NOL4: variants seen among roughly 807,000 people sequenced by gnomAD.
The protein encoded by NOL4 is nucleolar protein 4.
NOL4 carries 17 observed loss-of-function variants against 75.9 expected under a neutral mutation model. The observed-to-expected ratio is 0.22, with a 90% CI of 0.15 to 0.34. NOL4 has a LOEUF of 0.34. Ranked by LOEUF, NOL4 falls within the 10% of genes least tolerant of loss-of-function variation. NOL4 has a pLI of 1.00. For synonymous variants in NOL4, 292 were observed against 289.9 expected (o/e 1.01, Z -0.07); for missense variants, 614 against 793.5 (o/e 0.77, Z 2.72).
chr18:34,156,143 C>G (rs911629969), intron 1 of NOL4, among the ~76,000 whole-genome samples: 1 of 152,034 alleles, frequency 6.6e-6, no homozygotes, highest in Non-Finnish European at 1.5e-5. Context: ...CAGAACTTCC[C>G]GTGCATTATA....
intron 5 of NOL4, among the ~76,000 whole-genome samples, chr18:34,034,028 A>C (rs990066770): frequency 6.6e-6 from 1 of 152,210 alleles, no homozygotes; most frequent in Admixed American, 6.5e-5. Context: ...GACTCTCCCT[A>C]CGAGAAATGC....
chr18:34,188,598 G>C (rs950495342), intron 1 of NOL4, among the ~76,000 whole-genome samples: 1 of 152,170 alleles, frequency 6.6e-6, no homozygotes, highest in Non-Finnish European at 1.5e-5. Flanking sequence ...ATAATAAAAT[G>C]TGAATACCTA....
intron 1 of NOL4, among the ~76,000 whole-genome samples, chr18:34,222,678 G>A (rs973650898): frequency 1.3e-5 from 2 of 152,220 alleles, no homozygotes; most frequent in Non-Finnish European, 2.9e-5. Context: ...GGCCCAGCCC[G>A]AGGACGCCAG....
intron 1 of NOL4, among the ~76,000 whole-genome samples, chr18:34,158,135 T>G (rs981514153): frequency 7.9e-5 from 12 of 152,172 alleles, no homozygotes; most frequent in African/African-American, 2.2e-4. Context: ...TGATTATCAG[T>G]AGCAAAAGCT....
chr18:34,049,719 C>G (rs1025131872), intron 5 of NOL4, among the ~76,000 whole-genome samples: 2 of 152,038 alleles, frequency 1.3e-5, no homozygotes, highest in Admixed American at 1.3e-4. Context: ...ACCACCCTTC[C>G]CCCACTGTCT....
intron 6 of NOL4, among the ~76,000 whole-genome samples, chr18:34,017,506 A>G (rs1161408862): frequency 6.6e-6 from 1 of 152,136 alleles, no homozygotes; most frequent in African/African-American, 2.4e-5. Context: ...TCAATAGATG[A>G]TATGATATTA....
chr18:33,948,672 C>A (rs961711967), intron 8 of NOL4, among the ~76,000 whole-genome samples: 1 of 151,946 alleles, frequency 6.6e-6, no homozygotes, highest in Admixed American at 6.6e-5. Context: ...GGAAAATAAT[C>A]TCCACATTAT....
intron 10 of NOL4, among the ~76,000 whole-genome samples, chr18:33,859,432 T>C (rs2062985550): frequency 1.3e-5 from 2 of 152,212 alleles, no homozygotes; most frequent in South Asian, 4.1e-4. Context: ...TTTTAATTAT[T>C]TGTTTCAAAT....
At chr18:34,129,220 C>T (rs181187367) in intron 2 of NOL4, among the ~76,000 whole-genome samples, 31 of 151,808 alleles carry the variant, frequency 2.0e-4, no homozygotes, top group East Asian at 1.7e-3. Context: ...CTATATATTT[C>T]GATATCTAGC....
intron 5 of NOL4, among the ~76,000 whole-genome samples, chr18:34,045,874 C>T (rs1327787439): frequency 6.6e-6 from 1 of 152,082 alleles, no homozygotes; most frequent in African/African-American, 2.4e-5. Flanking sequence ...ATAGTATTAT[C>T]TCTTGTGCTG....
chr18:33,978,354 G>C (rs1220000185), intron 6 of NOL4, among the ~76,000 whole-genome samples: 1 of 152,098 alleles, frequency 6.6e-6, no homozygotes. Context: ...CCAAAGGAGA[G>C]ACTTGGGTGT....
At chr18:33,925,597 C>T (rs962111477) in intron 9 of NOL4, among the ~76,000 whole-genome samples, 4 of 152,230 alleles carry the variant, frequency 2.6e-5, no homozygotes, top group South Asian at 2.1e-4. Flanking sequence ...CTGCAACCAA[C>T]GTAGTATTCA....
At chr18:33,982,799 G>C (rs958994389) in intron 6 of NOL4, among the ~76,000 whole-genome samples, 3 of 143,780 alleles carry the variant, frequency 2.1e-5, no homozygotes, top group African/African-American at 7.8e-5. Context: ...TCCCCAGGCT[G>C]GAGTGTAATG....
At chr18:34,167,537 T>TAGATAGAC (rs1003691980) in intron 1 of NOL4, among the ~76,000 whole-genome samples, 1 of 140,014 alleles carries the variant, frequency 7.1e-6, no homozygotes, top group Non-Finnish European at 1.6e-5. Flanking sequence ...AATAATTAGA[T>TAGATAGAC]AGATAGATAG....
rs1019173635 is a variant in NOL4, at chr18:34,223,711, G to T, written c.-458C>A. On this transcript the variant is annotated 5_prime_UTR_variant, in exon 1 of 11. Transcript: ENST00000261592. The stretch of plus-strand genomic sequence containing the variant: ...GTGGAGCGCAGCGCCGCCTCCCCGC[G>T]CGCGCCCCAGAAGCTTCCCCAGCCA... Among the ~76,000 whole-genome samples, 7 of 152,106 alleles carry T rather than the reference G, an allele frequency of 4.6e-5. No individual in the cohort carries two copies. Among genetic ancestry groups the T allele is most frequent in the Admixed American group, 6.5e-5 (1 of 15,276 alleles).
intron 9 of NOL4, among the ~76,000 whole-genome samples, chr18:33,921,552 A>T (rs148229518): frequency 2.0e-4 from 30 of 152,236 alleles, no homozygotes; most frequent in African/African-American, 6.7e-4. Context: ...AATAACTTGT[A>T]TTCTTTTAGG....
intron 5 of NOL4, among the ~76,000 whole-genome samples, chr18:34,067,145 G>C (rs886265541): frequency 6.6e-5 from 10 of 152,138 alleles, no homozygotes; most frequent in African/African-American, 2.4e-4. Flanking sequence ...TACAGGATTT[G>C]CGATTTAAAG....
At chr18:33,931,153 T>C (rs928220401) in intron 9 of NOL4, among the ~76,000 whole-genome samples, 5 of 152,136 alleles carry the variant, frequency 3.3e-5, no homozygotes, top group African/African-American at 1.2e-4. Context: ...AGCCTCAAGT[T>C]CAGTCTCTTA....
At chr18:34,041,793 A>G (rs1292899693) in intron 5 of NOL4, among the ~76,000 whole-genome samples, 1 of 151,962 alleles carries the variant, frequency 6.6e-6, no homozygotes, top group African/African-American at 2.4e-5. Flanking sequence ...TCTACCTTTA[A>G]AATACACCTT....
Sources: allele counts gnomAD v4.1 joint callset (sites outside exome capture counted in the v4.1 genomes callset), GRCh38; gene constraint gnomAD v4.1.1; transcripts MANE v1.5; gene names NCBI Gene and HGNC (gene_info 2026-07-23, HGNC 2026-07-21).